CACNB4: variants seen among roughly 807,000 people sequenced by gnomAD.
CACNB4 encodes voltage-dependent L-type calcium channel subunit beta-4.
Under a neutral mutation model 71.2 loss-of-function variants are expected in CACNB4, and 32 were observed. The ratio of observed to expected loss-of-function variants is 0.45; its 90% confidence interval spans 0.34 to 0.60. The LOEUF is 0.60. Ranked by LOEUF, CACNB4 falls within the 20% of genes least tolerant of loss-of-function variation. The pLI is 0.01. For missense variants in CACNB4, 464 were observed against 647.9 expected, an observed-to-expected ratio of 0.72 and a Z score of 3.08; for synonymous variants, 231 against 236.9, an observed-to-expected ratio of 0.97 and a Z score of 0.23.
chr2:152,029,203 A>G (rs1354805308), intron 2 of CACNB4, among the ~76,000 whole-genome samples: 1 of 152,168 alleles, frequency 6.6e-6, no homozygotes, highest in East Asian at 1.9e-4. Context: ...TAAGAAAAGA[A>G]AGAGCCCAGG....
intron 2 of CACNB4, among the ~76,000 whole-genome samples, chr2:151,900,073 T>G (rs1369510503): frequency 6.6e-6 from 1 of 152,164 alleles, no homozygotes; most frequent in Non-Finnish European, 1.5e-5. Context: ...TTATCAGGAA[T>G]GGCAGACAGC....
chr2:151,970,142 G>GAATTAAA (rs1181435610), intron 2 of CACNB4: 1 of 152,154 alleles, frequency 6.6e-6, no homozygotes, highest in Admixed American at 6.5e-5. Flanking sequence ...AATTCCAGAA[G>GAATTAAA]GTCCATGTAG....
chr2:152,004,018 CGTT>C (rs1364326804), intron 2 of CACNB4, among the ~76,000 whole-genome samples: 1 of 151,992 alleles, frequency 6.6e-6, no homozygotes, highest in African/African-American at 2.4e-5. Flanking sequence ...GACAGGATCT[CGTT>C]GTTACCCAGG....
chr2:151,947,253 G>A (rs2099865822), intron 2 of CACNB4, among the ~76,000 whole-genome samples: 1 of 152,204 alleles, frequency 6.6e-6, no homozygotes, highest in Non-Finnish European at 1.5e-5. Context: ...AAGATGGAAA[G>A]AGAAGATGTC....
chr2:151,951,436 C>T (rs892395498), intron 2 of CACNB4, among the ~76,000 whole-genome samples: 1 of 152,134 alleles, frequency 6.6e-6, no homozygotes, highest in Non-Finnish European at 1.5e-5. Flanking sequence ...CCCCAGACGA[C>T]CACATTTTCC....
chr2:151,874,905 T>A (rs921582947), intron 5 of CACNB4: 4 of 398,850 alleles, frequency 1.0e-5, no homozygotes, highest in Non-Finnish European at 1.8e-5. Flanking sequence ...AGTAGCTCAC[T>A]AGAGGTTGAT....
At chr2:152,069,627 G>A (rs527629296) in intron 2 of CACNB4, among the ~76,000 whole-genome samples, 32 of 150,916 alleles carry the variant, frequency 2.1e-4, no homozygotes, top group African/African-American at 7.1e-4. Context: ...ACACAACAGT[G>A]GAAAAATGAG....
chr2:151,882,018 T>C (rs776100421), intron 3 of CACNB4, among the ~76,000 whole-genome samples: 2 of 151,558 alleles, frequency 1.3e-5, no homozygotes, highest in African/African-American at 2.4e-5. Flanking sequence ...GTAGCTGGGA[T>C]TACAGGTGCA....
At chr2:151,860,415 G>C (rs2099841344) in intron 10 of CACNB4, 1 of 413,890 alleles carries the variant, frequency 2.4e-6, no homozygotes, top group Non-Finnish European at 4.3e-6. Context: ...TTGAGAAGCT[G>C]AGCAAAGTGG....
At chr2:152,003,842 A>T (rs1454970066) in intron 2 of CACNB4, among the ~76,000 whole-genome samples, 1 of 152,034 alleles carries the variant, frequency 6.6e-6, no homozygotes, top group Non-Finnish European at 1.5e-5. Flanking sequence ...TAAAAAAAAA[A>T]ACCTTACTTT....
At chr2:152,012,798 G>GA (rs149220518) in intron 2 of CACNB4, among the ~76,000 whole-genome samples, 11,490 of 152,092 alleles carry the variant, frequency 0.076, 459 homozygotes, top group African/African-American at 0.09. Flanking sequence ...TATTATTGAA[G>GA]AAAAAATTCT....
At chr2:151,944,919 T>C (rs1578908427) in intron 2 of CACNB4, among the ~76,000 whole-genome samples, 1 of 152,068 alleles carries the variant, frequency 6.6e-6, no homozygotes, top group Non-Finnish European at 1.5e-5. Flanking sequence ...TGTGAGACAA[T>C]AGGGTCTAGA....
chr2:151,846,321 C>A (rs772700616), intron 12 of CACNB4, among the ~76,000 whole-genome samples: 1 of 152,096 alleles, frequency 6.6e-6, no homozygotes, highest in Non-Finnish European at 1.5e-5. Flanking sequence ...CCATTTATTT[C>A]TTTTCAATTC....
In CACNB4 at chr2:151,952,858, A is replaced by C. The variant is rs1484699951; in HGVS notation, c.148-69488T>G. 3.3e-5 allele frequency among the ~76,000 whole-genome samples: 5 copies of C among 152,222 alleles called. No homozygotes were observed. In the East Asian group the frequency reaches 9.6e-4, roughly 29 times the overall value. Reference sequence around the variant, plus strand: ...ACTTATATTCCTGGGAAGAGGGGTGAATTTCAGGGAATCATGTGAGAAGGA... The same window carrying C: ...ACTTATATTCCTGGGAAGAGGGGTGCATTTCAGGGAATCATGTGAGAAGGA... On this transcript the variant is annotated intron_variant, in intron 2 of 13. Coordinates refer to ENST00000539935, the MANE Select transcript of CACNB4 (RefSeq NM_000726.5).
intron 2 of CACNB4, among the ~76,000 whole-genome samples, chr2:152,045,024 A>C (rs1244592956): frequency 2.0e-5 from 3 of 152,206 alleles, no homozygotes; most frequent in Non-Finnish European, 4.4e-5. Context: ...ATGTGAAGCA[A>C]GGGCATGAGA....
chr2:152,045,578 T>G (rs1382773828), intron 2 of CACNB4, among the ~76,000 whole-genome samples: 2 of 150,792 alleles, frequency 1.3e-5, no homozygotes, highest in African/African-American at 4.9e-5. Flanking sequence ...TACTTAAAAA[T>G]GGTGAAAATG....
At chr2:151,893,257 T>C (rs957446815) in intron 2 of CACNB4, among the ~76,000 whole-genome samples, 1 of 152,156 alleles carries the variant, frequency 6.6e-6, no homozygotes, top group South Asian at 2.1e-4. Flanking sequence ...TATCTTTTTT[T>C]TTGAGACAGA....
At chr2:151,986,722 T>C (rs1286662179) in intron 2 of CACNB4, among the ~76,000 whole-genome samples, 1 of 152,196 alleles carries the variant, frequency 6.6e-6, no homozygotes, top group Admixed American at 6.5e-5. Context: ...GTTCCCTTCA[T>C]ATCAGACTTT....
chr2:152,020,589 T>C (rs1262697696), intron 2 of CACNB4, among the ~76,000 whole-genome samples: 1 of 152,254 alleles, frequency 6.6e-6, no homozygotes, highest in Non-Finnish European at 1.5e-5. Context: ...TAGTAGGTTT[T>C]TGTGTTTACT....
Sources: gnomAD v4.1 joint callset for allele counts (sites outside exome capture counted in the v4.1 genomes callset) on GRCh38, gnomAD v4.1.1 for gene constraint, MANE v1.5 for transcripts, NCBI Gene and HGNC (gene_info 2026-07-23, HGNC 2026-07-21) for gene names.